LRRIQ1: variants seen among roughly 807,000 people sequenced by gnomAD.
The protein encoded by LRRIQ1 is leucine-rich repeat- and IQ domain-containing protein 1.
In LRRIQ1, 210 loss-of-function variants were observed where a neutral mutation model predicts 211.9. That is an observed-to-expected ratio of 0.99 (90% CI 0.89 to 1.11). The LOEUF (loss-of-function observed/expected upper bound fraction) is 1.11, where lower values mean the gene tolerates loss of function less well. Ranked by LOEUF, LRRIQ1 falls within the 50% of genes most tolerant of loss-of-function variation. The pLI is 0.00. For missense variants in LRRIQ1, 2,136 were observed against 1,939.5 expected, an observed-to-expected ratio of 1.10 and a Z score of -1.90; for synonymous variants, 699 against 650.1, an observed-to-expected ratio of 1.08 and a Z score of -1.14.
intron 26 of LRRIQ1, among the ~76,000 whole-genome samples, chr12:85,238,283 A>G (rs1302916025): frequency 6.6e-6 from 1 of 152,118 alleles, no homozygotes; most frequent in African/African-American, 2.4e-5. Flanking sequence ...ATAGCAAGCA[A>G]GCTAATAGAT....
intron 24 of LRRIQ1, among the ~76,000 whole-genome samples, chr12:85,208,213 AG>A (rs1437651478): frequency 1.3e-5 from 2 of 152,060 alleles, no homozygotes; most frequent in Non-Finnish European, 2.9e-5. Flanking sequence ...CAAAAAAAAA[AG>A]AAATGAAAGT....
Position 85,123,578 on chromosome 12 carries a change from T to C in LRRIQ1, c.3558-492T>C, listed in dbSNP as rs369343881. Among the ~76,000 whole-genome samples, 10 of 152,256 alleles carry C rather than the reference T, an allele frequency of 6.6e-5. No individual in the cohort carries two copies. The East Asian group carries it at 1.2e-3, about 18-fold the overall frequency. ...CCATTAATGTCTTAAAGTACTTGAATTCTCTTTGCAATAGATTATTATTTT... is the reference window on the plus strand; with the variant it reads ...CCATTAATGTCTTAAAGTACTTGAACTCTCTTTGCAATAGATTATTATTTT... On this transcript the variant is annotated intron_variant, in intron 16 of 26. Transcript: ENST00000393217.
intron 5 of LRRIQ1, among the ~76,000 whole-genome samples, chr12:85,046,362 G>T (rs1565783067): frequency 6.6e-6 from 1 of 152,050 alleles, no homozygotes; most frequent in South Asian, 2.1e-4. Context: ...TCAGCTGATT[G>T]CAATAGACTT....
intron 18 of LRRIQ1, among the ~76,000 whole-genome samples, chr12:85,135,651 A>G (rs1413743212): frequency 2.1e-5 from 2 of 93,392 alleles, no homozygotes; most frequent in Admixed American, 2.4e-4. Flanking sequence ...TCCAAAGGTC[A>G]CCAAAATGGG....
At chr12:85,269,108 T>G (rs941087420), downstream of LRRIQ1, among the ~76,000 whole-genome samples, 2 of 151,628 alleles carry the variant, frequency 1.3e-5, no homozygotes, top group East Asian at 3.9e-4. Flanking sequence ...TAATGGAGAG[T>G]AGAACAAACC....
chr12:85,136,817 G>T lies in LRRIQ1; in HGVS notation c.4210-1033G>T, dbSNP rs1039949517. Among the ~76,000 whole-genome samples the T allele has an allele frequency of 2.9e-4, 44 of 151,824 alleles. No homozygotes were observed. In the Middle Eastern group the frequency reaches 0.01, roughly 35 times the overall value. The stretch of plus-strand genomic sequence containing the variant: ...TCTTTTGAGTATATTTCACCTGGGG[G>T]TAGCCAAATAAATCTATTTTAAGTC... On this transcript the variant is annotated intron_variant, in intron 18 of 26. Coordinates refer to ENST00000393217, the MANE Select transcript of LRRIQ1 (RefSeq NM_001079910.2).
At chr12:85,223,942 T>G (rs1463867875) in intron 24 of LRRIQ1, among the ~76,000 whole-genome samples, 1 of 146,544 alleles carries the variant, frequency 6.8e-6, no homozygotes, top group Admixed American at 6.6e-5. Flanking sequence ...TATCAGCAGT[T>G]TAAAAATATA....
At chr12:85,050,787 A>G (rs1880211723) in intron 6 of LRRIQ1, among the ~76,000 whole-genome samples, 1 of 152,168 alleles carries the variant, frequency 6.6e-6, no homozygotes, top group African/African-American at 2.4e-5. Context: ...CCATGCTTAA[A>G]CCTCATCAAA....
chr12:85,066,099 ATG>A (rs1159689130), intron 9 of LRRIQ1, among the ~76,000 whole-genome samples: 1 of 151,900 alleles, frequency 6.6e-6, no homozygotes, highest in Non-Finnish European at 1.5e-5. Flanking sequence ...TTGGTTTCTG[ATG>A]TGTACTGGGA....
chr12:85,142,800 TC>T (rs1349683219), intron 19 of LRRIQ1, among the ~76,000 whole-genome samples: 1 of 151,628 alleles, frequency 6.6e-6, no homozygotes, highest in Non-Finnish European at 1.5e-5. Context: ...ATGACCAAGT[TC>T]CCATCTTTTT....
intron 2 of LRRIQ1, 133 bp downstream of exon 2, chr12:85,038,441 T>C (rs1878454296): frequency 4.8e-6 from 2 of 413,834 alleles, no homozygotes; most frequent in East Asian, 5.9e-5. Flanking sequence ...ATATAAATTA[T>C]ATTGAATATA....
downstream of LRRIQ1, among the ~76,000 whole-genome samples, chr12:85,249,606 A>G (rs1895842500): frequency 6.6e-6 from 1 of 151,948 alleles, no homozygotes; most frequent in Non-Finnish European, 1.5e-5. Flanking sequence ...AATATGAATT[A>G]TATGTGCCTA....
At chr12:85,267,289 A>G (rs1360684001), downstream of LRRIQ1, among the ~76,000 whole-genome samples, 1 of 152,026 alleles carries the variant, frequency 6.6e-6, no homozygotes, top group East Asian at 1.9e-4. Flanking sequence ...TTAATACTGT[A>G]TTTTATTTAA....
intron 24 of LRRIQ1, among the ~76,000 whole-genome samples, chr12:85,170,436 C>A (rs886224469): frequency 3.3e-5 from 5 of 150,396 alleles, no homozygotes; most frequent in African/African-American, 1.2e-4. Flanking sequence ...TATGCATATA[C>A]AAAAAATTGT....
At chr12:85,198,996 A>G (rs2137005795) in intron 24 of LRRIQ1, among the ~76,000 whole-genome samples, 1 of 152,232 alleles carries the variant, frequency 6.6e-6, no homozygotes, top group East Asian at 1.9e-4. Context: ...AGTTCCTTAT[A>G]GGTTCTGGAT....
intron 13 of LRRIQ1, 81 bp downstream of exon 13, chr12:85,099,075 T>TA: frequency 4.6e-6 from 4 of 878,494 alleles, no homozygotes; most frequent in Admixed American, 6.3e-5. Flanking sequence ...CCATAAAAGT[T>TA]AGATTTCTCT....
intron 19 of LRRIQ1, among the ~76,000 whole-genome samples, chr12:85,138,448 C>T (rs1230801018): frequency 6.6e-6 from 1 of 151,430 alleles, no homozygotes; most frequent in African/African-American, 2.4e-5. Flanking sequence ...TAGAATATCT[C>T]TGAATTTGTG....
At chr12:85,177,487 G>C (rs1339044954) in intron 24 of LRRIQ1, among the ~76,000 whole-genome samples, 3 of 152,060 alleles carry the variant, frequency 2.0e-5, no homozygotes, top group Non-Finnish European at 4.4e-5. Flanking sequence ...AGGCAAGCGG[G>C]GGAGGTTGTG....
chr12:85,073,367 C>G (rs1463592909), intron 11 of LRRIQ1, among the ~76,000 whole-genome samples: 1 of 151,934 alleles, frequency 6.6e-6, no homozygotes, highest in African/African-American at 2.4e-5. Context: ...TATGGAAATG[C>G]TGATAGTTTT....
Sources: gnomAD v4.1 joint callset for allele counts (sites outside exome capture counted in the v4.1 genomes callset) on GRCh38, gnomAD v4.1.1 for gene constraint, MANE v1.5 for transcripts, NCBI Gene and HGNC (gene_info 2026-07-23, HGNC 2026-07-21) for gene names.